The following RSF1 variants were observed in gnomAD, a reference collection of about 807,000 sequenced individuals.
The protein encoded by RSF1 is HBV pX-associated protein 8.
A neutral mutation model predicts 145.2 loss-of-function variants in RSF1; 13 were observed. The ratio of observed to expected loss-of-function variants is 0.09; its 90% CI spans 0.06 to 0.14. RSF1 has a LOEUF of 0.14. Among genes scored for constraint, RSF1 ranks in the 10% least tolerant of loss-of-function variants. The pLI, the probability that RSF1 is intolerant of heterozygous loss-of-function variation, is 1.00. For synonymous variants in RSF1, 577 were observed against 592.6 expected, an observed-to-expected ratio of 0.97 and a Z score of 0.38; for missense variants, 1,517 against 1,718.2, an observed-to-expected ratio of 0.88 and a Z score of 2.07.
intron 5 of RSF1, chr11:77,703,521 G>C (rs1960473196): frequency 6.6e-6 from 1 of 152,100 alleles, no homozygotes; most frequent in Admixed American, 6.5e-5. Flanking sequence ...TTCTCGTCAA[G>C]TTGATAAACC....
At chr11:77,860,238 A>G in the RSF1 span, among the ~76,000 whole-genome samples, 1 of 152,300 alleles carries the variant, frequency 6.6e-6, no homozygotes, top group South Asian at 2.1e-4. Flanking sequence ...TTTCCACCTT[A>G]CTAAATGGGT....
At chr11:77,813,233 AAAG>A (rs1948747430) in intron 1 of RSF1, 1 of 538,650 alleles carries the variant, frequency 1.9e-6, no homozygotes, top group Non-Finnish European at 3.3e-6. Context: ...GCAAAACATG[AAAG>A]TAGTCTAATG....
At chr11:77,776,331 GAA>G (rs1211679439) in intron 1 of RSF1, among the ~76,000 whole-genome samples, 1 of 152,114 alleles carries the variant, frequency 6.6e-6, no homozygotes, top group Non-Finnish European at 1.5e-5. Flanking sequence ...TTCTTTTATA[GAA>G]AATTCTGCAG....
At chr11:77,840,851 T>G in the RSF1 span, among the ~76,000 whole-genome samples, 2 of 152,200 alleles carry the variant, frequency 1.3e-5, no homozygotes, top group African/African-American at 4.8e-5. Flanking sequence ...AAACAACTTT[T>G]CCCCCTGAAA....
chr11:77,865,130 T>C, the RSF1 span, among the ~76,000 whole-genome samples: 1 of 152,202 alleles, frequency 6.6e-6, no homozygotes, highest in Non-Finnish European at 1.5e-5. Context: ...TCTAATGTGG[T>C]TGAGTCCCCA....
At chr11:77,761,854 AG>A (rs1483620813) in intron 2 of RSF1, among the ~76,000 whole-genome samples, 1 of 93,676 alleles carries the variant, frequency 1.1e-5, no homozygotes, top group Non-Finnish European at 1.9e-5. Flanking sequence ...TTTTTGAGAC[AG>A]GGTCTCACTC....
intron 1 of RSF1, among the ~76,000 whole-genome samples, chr11:77,815,311 T>C (rs979968109): frequency 3.3e-5 from 5 of 152,258 alleles, no homozygotes; most frequent in African/African-American, 1.2e-4. Flanking sequence ...ATTGCCCATA[T>C]AATTAAATGT....
intron 7 of RSF1, among the ~76,000 whole-genome samples, chr11:77,697,468 ATAT>A (rs1302909550): frequency 4.1e-5 from 1 of 24,230 alleles, no homozygotes; most frequent in East Asian, 9.3e-4. Flanking sequence ...TATATAAAAT[ATAT>A]TTATATATAA....
the RSF1 span, among the ~76,000 whole-genome samples, chr11:77,844,012 CA>C: frequency 4.6e-4 from 70 of 152,132 alleles, no homozygotes; most frequent in East Asian, 0.011. Context: ...CCCCATAATT[CA>C]ATCACCTCCC....
chr11:77,778,253 GGAGGGA>G (rs1948368203), intron 1 of RSF1, among the ~76,000 whole-genome samples: 1 of 78,704 alleles, frequency 1.3e-5, no homozygotes, highest in African/African-American at 5.0e-5. Flanking sequence ...AGAGCATGGG[GGAGGGA>G]AGGGGAGAGG....
At position 77,666,644 on chromosome 11, in the gene RSF1, G is replaced by T; in HGVS notation, c.*273C>A. The T allele has an allele frequency of 3.7e-6, 1 of 268,326 alleles. No homozygotes were observed. Among genetic ancestry groups the T allele is most frequent in the Non-Finnish European group, 6.9e-6 (1 of 144,080 alleles). 16.6% of individuals were successfully genotyped at this position (268,326 alleles called of 1,614,324 possible). A position where few individuals can be genotyped will look rare whatever the true frequency, so the allele number is the denominator to read the frequency against. On this transcript the variant is annotated 3_prime_UTR_variant, in exon 16 of 16. Coordinates refer to ENST00000308488, the MANE Select transcript of RSF1 (RefSeq NM_016578.4). ...TAAAGTCAAAAATATACAAATCTTT[G>T]TTGTTATTATAATAAGATTTTTTTC...
At chr11:77,826,623 T>C in the RSF1 span, among the ~76,000 whole-genome samples, 1 of 152,168 alleles carries the variant, frequency 6.6e-6, no homozygotes, top group South Asian at 2.1e-4. Context: ...CCTGCTACAC[T>C]GGCTAGCCAG....
the RSF1 span, among the ~76,000 whole-genome samples, chr11:77,845,103 T>C: frequency 1.5e-4 from 23 of 152,156 alleles, no homozygotes; most frequent in Non-Finnish European, 2.6e-4. Flanking sequence ...CTACTTGGAA[T>C]TTATTGAGCT....
rs1960412548 is a variant in RSF1 at position 77,701,179 on chromosome 11, C to G, written c.2050G>C (p.Asp684His). ...TCTATGCCAGAGGTCTGGGCATTGTCCAGATTATCCATTTCTACCTTTGTG... is the reference window on the plus strand; with the variant it reads ...TCTATGCCAGAGGTCTGGGCATTGTGCAGATTATCCATTTCTACCTTTGTG... ...EFTKVEMDNL[D>H]NAQTSGIEEP... Residue 684 changes from aspartate (D) to histidine (H), a missense_variant, in exon 6 of 16, where the codon GAC (aspartate) becomes CAC (histidine). Around this residue, in one of 12 missense-constraint regions of RSF1, gnomAD observed 579 missense variants for 553.5 expected, o/e 1.05. Transcript: ENST00000308488. 5 of 1,614,112 alleles carry G rather than the reference C, an allele frequency of 3.1e-6. No homozygotes were observed. The highest frequency in any genetic ancestry group is 3.4e-6 in the Non-Finnish European group (4 of 1,180,020).
At chr11:77,835,248 C>A in the RSF1 span, among the ~76,000 whole-genome samples, 1 of 152,172 alleles carries the variant, frequency 6.6e-6, no homozygotes, top group Non-Finnish European at 1.5e-5. Flanking sequence ...TGCCCCGTCC[C>A]ACTTTATCTC....
At chr11:77,811,613 G>A (rs968063790) in intron 1 of RSF1, among the ~76,000 whole-genome samples, 2 of 152,148 alleles carry the variant, frequency 1.3e-5, no homozygotes, top group Admixed American at 6.5e-5. Context: ...TGGTATATTC[G>A]ACTCAGAGGC....
intron 1 of RSF1, among the ~76,000 whole-genome samples, chr11:77,768,265 C>T (rs1392385725): frequency 1.3e-5 from 2 of 148,362 alleles, no homozygotes; most frequent in East Asian, 2.0e-4. Context: ...CGGGTTCAAG[C>T]GATTCTCCTG....
intron 1 of RSF1, among the ~76,000 whole-genome samples, chr11:77,765,432 T>C (rs1399976475): frequency 6.6e-6 from 1 of 152,218 alleles, no homozygotes; most frequent in African/African-American, 2.4e-5. Flanking sequence ...AAAAATTACT[T>C]ACCTTCCATA....
chr11:77,855,759 C>CTTTTTTTTTTTTTTTTTTTTTTTT, the RSF1 span, among the ~76,000 whole-genome samples: 1 of 129,960 alleles, frequency 7.7e-6, no homozygotes, highest in Non-Finnish European at 1.5e-5. Flanking sequence ...TGAGCATAGG[C>CTTTTTTTTTTTTTTTTTTTTTTTT]TGCTAGAGGC....
Sources: gnomAD v4.1 joint callset for allele counts (sites outside exome capture counted in the v4.1 genomes callset) on GRCh38, gnomAD v4.1.1 for gene constraint, gnomAD v4.1.1 regional missense constraint, MANE v1.5 for transcripts, NCBI Gene and HGNC (gene_info 2026-07-23, HGNC 2026-07-21) for gene names.